FRMD4A: variants seen among roughly 807,000 people sequenced by gnomAD.
FRMD4A encodes the protein FERM domain-containing protein 4A.
A neutral mutation model predicts 129.1 loss-of-function variants in FRMD4A; 29 were observed. The ratio of observed to expected loss-of-function variants is 0.22; its 90% CI spans 0.17 to 0.31. The LOEUF (loss-of-function observed/expected upper bound fraction) is 0.31. Ranked by LOEUF, FRMD4A falls within the 10% of genes least tolerant of loss-of-function variation. The pLI is 1.00. For synonymous variants in FRMD4A, 634 were observed against 571.6 expected (o/e 1.11, Z -1.56); for missense variants, 1,272 against 1,375.8 (o/e 0.92, Z 1.19).
rs533896906 is a variant in FRMD4A, at chr10:13,923,856, G to A, written c.46-64944C>T. On this transcript the variant is annotated intron_variant, in intron 2 of 24. Transcript: ENST00000357447. The stretch of plus-strand genomic sequence containing the variant: ...TGCCAGCCCTGGGGAGGAATGGAGA[G>A]GTGAACATGGCACCACCCTGTTTTC... Among the ~76,000 whole-genome samples, 9 of 152,302 alleles carry A rather than the reference G, an allele frequency of 5.9e-5. No homozygotes were observed. In the East Asian group the frequency reaches 1.5e-3, roughly 26 times the overall value.
At chr10:13,943,816 A>T (rs980634769) in intron 2 of FRMD4A, among the ~76,000 whole-genome samples, 2 of 152,168 alleles carry the variant, frequency 1.3e-5, no homozygotes, top group African/African-American at 2.4e-5. Flanking sequence ...GTCTTTAAAA[A>T]TACTTGGTAT....
intron 6 of FRMD4A, among the ~76,000 whole-genome samples, chr10:13,777,804 T>TC (rs1183673228): frequency 2.1e-5 from 3 of 141,498 alleles, no homozygotes; most frequent in Non-Finnish European, 4.6e-5. Context: ...TTTTTTTTTT[T>TC]TTTTTTTTTT....
chr10:13,659,369 T>G lies in FRMD4A; in HGVS notation c.2020A>C (p.Thr674Pro). ...HWNSQSSMPS[T>P]PDLRVRSPHY... ...GGACTCCGGACCCGCAGGTCTGGCG[T>G]GGACGGCATGCTGGACTGGGAGTTC... The change falls in exon 21 of 25, where the codon ACG becomes CCG. Residue 674 changes from threonine to proline, a missense_variant. Transcript: ENST00000357447. The G allele has an allele frequency of 9.3e-6, 15 of 1,614,180 alleles. No homozygotes were observed. Among genetic ancestry groups the G allele is most frequent in the Non-Finnish European group, 1.2e-5 (14 of 1,179,996 alleles).
At chr10:14,281,593 T>C (rs974555454) in intron 2 of FRMD4A, among the ~76,000 whole-genome samples, 9 of 152,218 alleles carry the variant, frequency 5.9e-5, no homozygotes, top group Admixed American at 2.6e-4. Context: ...CATCATAAAA[T>C]TGACCATTGT....
chr10:14,053,297 G>C (rs1588877056), intron 2 of FRMD4A, among the ~76,000 whole-genome samples: 1 of 152,174 alleles, frequency 6.6e-6, no homozygotes, highest in Non-Finnish European at 1.5e-5. Context: ...CTGATGTTCT[G>C]TGCAAAGGAG....
intron 2 of FRMD4A, among the ~76,000 whole-genome samples, chr10:14,028,262 G>A (rs1002325868): frequency 1.3e-5 from 2 of 152,162 alleles, no homozygotes; most frequent in Non-Finnish European, 2.9e-5. Context: ...TGGCATAGGT[G>A]CTGGTGCCTA....
intron 9 of FRMD4A, among the ~76,000 whole-genome samples, chr10:13,742,188 C>T (rs568348970): frequency 6.6e-6 from 1 of 152,296 alleles, no homozygotes; most frequent in African/African-American, 2.4e-5. Context: ...AAGAGGTTAG[C>T]TGGCTCCTTG....
intron 8 of FRMD4A, among the ~76,000 whole-genome samples, chr10:13,750,093 A>AAATAAATAAATG (rs1220917124): frequency 3.7e-5 from 3 of 80,558 alleles, no homozygotes; most frequent in African/African-American, 1.3e-4. Flanking sequence ...AGAAAGAAAG[A>AAATAAATAAATG]AAGAAAGAAA....
At chr10:13,932,944 T>C (rs55849424) in intron 2 of FRMD4A, among the ~76,000 whole-genome samples, 32,301 of 152,078 alleles carry the variant, frequency 0.21, 3,817 homozygotes, top group Non-Finnish European at 0.26. Flanking sequence ...GTGGATCACC[T>C]GAGCTGAGGA....
At chr10:13,656,335 C>CCTAA (rs140568186) in intron 22 of FRMD4A, among the ~76,000 whole-genome samples, 2 of 152,158 alleles carry the variant, frequency 1.3e-5, no homozygotes, top group African/African-American at 2.4e-5. Context: ...TTTTACTTTA[C>CCTAA]CTAACTAACT....
At chr10:14,286,063 T>C (rs767055279) in intron 2 of FRMD4A, among the ~76,000 whole-genome samples, 4 of 152,256 alleles carry the variant, frequency 2.6e-5, no homozygotes, top group Non-Finnish European at 4.4e-5. Context: ...TCTTCTCATG[T>C]ATCATGGTGC....
intron 2 of FRMD4A, among the ~76,000 whole-genome samples, chr10:14,228,621 T>A (rs1843527715): frequency 6.6e-6 from 1 of 152,238 alleles, no homozygotes; most frequent in Non-Finnish European, 1.5e-5. Context: ...AGAGGCAGAC[T>A]TTTAACCTGC....
intron 2 of FRMD4A, among the ~76,000 whole-genome samples, chr10:14,026,800 T>G (rs1833004567): frequency 6.6e-6 from 1 of 152,174 alleles, no homozygotes; most frequent in African/African-American, 2.4e-5. Flanking sequence ...AAGTGCCTTC[T>G]CTCACCAAGC....
intron 2 of FRMD4A, among the ~76,000 whole-genome samples, chr10:13,999,919 G>C (rs901489907): frequency 1.3e-4 from 20 of 152,188 alleles, no homozygotes; most frequent in African/African-American, 4.8e-4. Context: ...TTTATTAAAG[G>C]CTTGAGTTTA....
intron 2 of FRMD4A, among the ~76,000 whole-genome samples, chr10:14,061,810 A>G (rs1179289450): frequency 6.6e-6 from 1 of 152,232 alleles, no homozygotes; most frequent in Non-Finnish European, 1.5e-5. Flanking sequence ...ATGAAGCCCA[A>G]GCCAATACGT....
At chr10:14,262,938 G>C (rs1844854320) in intron 2 of FRMD4A, among the ~76,000 whole-genome samples, 1 of 152,192 alleles carries the variant, frequency 6.6e-6, no homozygotes, top group South Asian at 2.1e-4. Context: ...GGCAAGCCAT[G>C]AAAGAAGCAA....
At position 13,840,710 on chromosome 10, in the gene FRMD4A, C is replaced by T. The variant is rs539128515; in HGVS notation, c.111+18137G>A. 3.6e-3 allele frequency among the ~76,000 whole-genome samples: 535 copies of T among 147,592 alleles called. 2 individuals carry two copies. Among genetic ancestry groups the T allele is most frequent in the Admixed American group, 6.2e-3 (88 of 14,182 alleles). ...CGCTGAGGCATGAGAATCGCTTGAA[C>T]CCAGGGGGTGGAGGTTGCAGTGAGC... On this transcript the variant is annotated intron_variant, in intron 3 of 24. Coordinates refer to ENST00000357447, the MANE Select transcript of FRMD4A (RefSeq NM_018027.5).
At chr10:13,744,320 A>T (rs1393483120) in intron 9 of FRMD4A, among the ~76,000 whole-genome samples, 1 of 152,088 alleles carries the variant, frequency 6.6e-6, no homozygotes, top group Non-Finnish European at 1.5e-5. Context: ...TGGGCACATC[A>T]TTCTAACTTT....
intron 12 of FRMD4A, among the ~76,000 whole-genome samples, chr10:13,712,451 T>A (rs1011170954): frequency 1.3e-5 from 2 of 151,524 alleles, no homozygotes; most frequent in African/African-American, 2.4e-5. Context: ...GAGACGGAGG[T>A]TGCAGTGAGC....
Sources: gnomAD v4.1 joint callset for allele counts (sites outside exome capture counted in the v4.1 genomes callset) on GRCh38, gnomAD v4.1.1 for gene constraint, MANE v1.5 for transcripts, NCBI Gene and HGNC (gene_info 2026-07-23, HGNC 2026-07-21) for gene names.